The following MOXD1 variants were observed in gnomAD, a reference collection of about 807,000 sequenced individuals.
The protein encoded by MOXD1 is monooxygenase DBH like 1.
Under a neutral mutation model 66.6 loss-of-function variants are expected in MOXD1, and 62 were observed. That is an observed-to-expected ratio of 0.93 (90% confidence interval 0.76 to 1.15). The LOEUF is 1.15. Ranked by LOEUF, MOXD1 falls within the 50% of genes most tolerant of loss-of-function variation. The probability of loss-of-function intolerance (pLI) is 0.00; values close to 1 mark genes in which losing one functional copy is unlikely to be tolerated. For synonymous variants in MOXD1, 303 were observed against 281.9 expected, an observed-to-expected ratio of 1.07 and a Z score of -0.75; for missense variants, 847 against 754.6, an observed-to-expected ratio of 1.12 and a Z score of -1.44.
At chr6:132,365,005 A>G (rs1393358844) in intron 4 of MOXD1, among the ~76,000 whole-genome samples, 1 of 152,178 alleles carries the variant, frequency 6.6e-6, no homozygotes, top group East Asian at 1.9e-4. Context: ...TTTGTTGTGA[A>G]TACTTTACAT....
rs139533964 is a variant in MOXD1, at chr6:132,310,951, G to A, written c.1508+4684C>T. Among the ~76,000 whole-genome samples the A allele has an allele frequency of 3.5e-3, 532 of 152,148 alleles. 4 individuals are homozygous for A. The highest frequency in any genetic ancestry group is 0.012 in the African/African-American group (496 of 41,488). ...TAACAAAGCTGCACATTCTGCACATGTATCCCGTTTTTTGTTTGTTTGTTT... is the reference window on the plus strand; with the variant it reads ...TAACAAAGCTGCACATTCTGCACATATATCCCGTTTTTTGTTTGTTTGTTT... On this transcript the variant is annotated intron_variant, in intron 10 of 11. Coordinates refer to ENST00000367963, the MANE Select transcript of MOXD1 (RefSeq NM_015529.4).
chr6:132,327,378 A>G (rs1324404329), intron 6 of MOXD1, among the ~76,000 whole-genome samples: 1 of 152,218 alleles, frequency 6.6e-6, no homozygotes, highest in Non-Finnish European at 1.5e-5. Context: ...TCTGGCACAT[A>G]GTTGGAGCTC....
At chr6:132,320,995 G>A (rs184014563) in intron 8 of MOXD1, among the ~76,000 whole-genome samples, 119 of 152,268 alleles carry the variant, frequency 7.8e-4, no homozygotes, top group African/African-American at 2.8e-3. Flanking sequence ...GCCCTGGCAC[G>A]GTGGCTCACG....
intron 4 of MOXD1, among the ~76,000 whole-genome samples, chr6:132,351,885 T>G (rs1775808949): frequency 6.6e-6 from 1 of 152,216 alleles, no homozygotes; most frequent in Non-Finnish European, 1.5e-5. Context: ...CAGAAATTTA[T>G]CCATCTCTTC....
chr6:132,343,485 G>C (rs1259931185), intron 4 of MOXD1, among the ~76,000 whole-genome samples: 1 of 152,082 alleles, frequency 6.6e-6, no homozygotes, highest in African/African-American at 2.4e-5. Flanking sequence ...TGAGGCAGGA[G>C]AGTCACTTGA....
chr6:132,380,876 T>C (rs1776494304), intron 1 of MOXD1, among the ~76,000 whole-genome samples: 1 of 152,160 alleles, frequency 6.6e-6, no homozygotes, highest in South Asian at 2.1e-4. Flanking sequence ...CATCTGGCAC[T>C]GAAATCTGGG....
rs1249173790 is a variant in MOXD1, at chr6:132,374,982, G to A, written c.265-205C>T. The stretch of plus-strand genomic sequence containing the variant: ...ACTTCTGGCCTTTCAGGAAAGCATA[G>A]TGTAGACTGATAATATCGTAGAGCA... On this transcript the variant is annotated intron_variant, in intron 1 of 11. Coordinates refer to ENST00000367963, the MANE Select transcript of MOXD1 (RefSeq NM_015529.4). The A allele has an allele frequency of 3.1e-5, 19 of 603,540 alleles. No homozygotes were observed. In the South Asian group the frequency reaches 3.9e-4, roughly 12 times the overall value. The allele number at this position is 603,540 out of a possible 1,614,324, so 37.4% of individuals were successfully genotyped here.
chr6:132,332,914 T>C (rs1775353058), intron 4 of MOXD1, among the ~76,000 whole-genome samples: 1 of 152,214 alleles, frequency 6.6e-6, no homozygotes, highest in African/African-American at 2.4e-5. Context: ...TCCTGCTTGT[T>C]GGCTGAATGC....
At chr6:132,298,226 G>T (rs991364489) in intron 10 of MOXD1, among the ~76,000 whole-genome samples, 18 of 151,906 alleles carry the variant, frequency 1.2e-4, no homozygotes, top group African/African-American at 4.4e-4. Flanking sequence ...TTGCTATGTT[G>T]CCCAGGTTGG....
intron 10 of MOXD1, among the ~76,000 whole-genome samples, chr6:132,304,194 G>A (rs181362744): frequency 6.6e-6 from 1 of 152,064 alleles, no homozygotes; most frequent in East Asian, 1.9e-4. Flanking sequence ...CCTTACAAAA[G>A]AGACTTGAGG....
intron 9 of MOXD1, among the ~76,000 whole-genome samples, chr6:132,318,338 C>G (rs1473751843): frequency 1.3e-5 from 2 of 151,934 alleles, no homozygotes; most frequent in Non-Finnish European, 2.9e-5. Context: ...TATAAGTGTT[C>G]CAGTTTCAGC....
intron 4 of MOXD1, among the ~76,000 whole-genome samples, chr6:132,351,509 T>C (rs777390240): frequency 7.9e-5 from 12 of 152,286 alleles, no homozygotes; most frequent in Non-Finnish European, 1.5e-4. Context: ...TCATGGTAGA[T>C]TATCTTTTTG....
chr6:132,380,953 A>C (rs546875219), intron 1 of MOXD1, among the ~76,000 whole-genome samples: 1 of 152,124 alleles, frequency 6.6e-6, no homozygotes, highest in East Asian at 1.9e-4. Context: ...TAGTATTCAG[A>C]AAAAAAAGGG....
intron 4 of MOXD1, among the ~76,000 whole-genome samples, chr6:132,331,614 C>T (rs1227598477): frequency 2.0e-5 from 3 of 152,150 alleles, no homozygotes; most frequent in Non-Finnish European, 4.4e-5. Flanking sequence ...CTACTAGCCA[C>T]ATATGAATCA....
At chr6:132,323,503 AT>A (rs1178739828) in intron 7 of MOXD1, among the ~76,000 whole-genome samples, 1 of 151,012 alleles carries the variant, frequency 6.6e-6, no homozygotes, top group Non-Finnish European at 1.5e-5. Flanking sequence ...TATCCTATAT[AT>A]TTTTTTATAT....
At chr6:132,398,223 C>T (rs1386429041) in intron 1 of MOXD1, among the ~76,000 whole-genome samples, 1 of 152,156 alleles carries the variant, frequency 6.6e-6, no homozygotes. Flanking sequence ...TTCCTGACAT[C>T]TATAGACATT....
chr6:132,392,067 T>A, intron 1 of MOXD1: 1 of 1,002,916 alleles, frequency 1.0e-6, no homozygotes, highest in East Asian at 2.7e-5. Context: ...GGTTGCACAC[T>A]CTCTTCATCT....
chr6:132,320,647 A>G lies in MOXD1; in HGVS notation c.1347T>C (p.Asp449=), dbSNP rs1414614937. ...TTCTTACCCAAGTCATCTCAGCTCT[A>G]TCTTTCGTGTTGTAGCGACACTCAG... ...LITECRYNTK[D]RAEMTWGGLS... The change falls in exon 9 of 12, where the codon GAT becomes GAC. Residue 449 remains aspartate, a synonymous_variant. Coordinates refer to ENST00000367963, the MANE Select transcript of MOXD1 (RefSeq NM_015529.4). The G allele has an allele frequency of 6.2e-7, 1 of 1,610,770 alleles. No individual in the cohort carries two copies.
At chr6:132,346,498 CT>C in intron 4 of MOXD1, among the ~76,000 whole-genome samples, 1 of 152,086 alleles carries the variant, frequency 6.6e-6, no homozygotes, top group East Asian at 1.9e-4. Context: ...AAGGCTAAAT[CT>C]AATTGTAGGC....
Sources: gnomAD v4.1 joint callset for allele counts (sites outside exome capture counted in the v4.1 genomes callset) on GRCh38, gnomAD v4.1.1 for gene constraint, MANE v1.5 for transcripts, NCBI Gene and HGNC (gene_info 2026-07-23, HGNC 2026-07-21) for gene names.